The following GSAP variants were observed in gnomAD, a reference collection of about 807,000 sequenced individuals.
GSAP encodes gamma-secretase-activating protein.
In GSAP, 118 loss-of-function variants were observed where a neutral mutation model predicts 131.7. The ratio of observed to expected loss-of-function variants is 0.90; its 90% confidence interval spans 0.77 to 1.04. The LOEUF (loss-of-function observed/expected upper bound fraction) is 1.04. Among genes scored for constraint, GSAP ranks in the 50% least tolerant of loss-of-function variants. GSAP has a pLI of 0.00. For synonymous variants in GSAP, 381 were observed against 363.4 expected (o/e 1.05, Z -0.55); for missense variants, 1,019 against 1,013.2 (o/e 1.01, Z -0.08).
At chr7:77,320,884 A>C in intron 25 of GSAP, 65 bp from the exon 26 acceptor site, 1 of 987,014 alleles carries the variant, frequency 1.0e-6, no homozygotes, top group South Asian at 1.3e-5. Context: ...CATTTGTCCT[A>C]AGCAGTGGCT....
intron 6 of GSAP, 56 bp from the exon 7 acceptor site, chr7:77,382,699 T>C: frequency 2.1e-6 from 2 of 969,434 alleles, no homozygotes; most frequent in Non-Finnish European, 3.3e-6. Context: ...GAACAAGTAT[T>C]TCCAAAGTTG....
chr7:77,394,782 G>A (rs184086343), intron 5 of GSAP, among the ~76,000 whole-genome samples: 8 of 152,266 alleles, frequency 5.3e-5, no homozygotes, highest in Non-Finnish European at 8.8e-5. Context: ...TTATTCTCCT[G>A]GGCATCATGC....
At chr7:77,323,329 T>C (rs1787911318) in intron 24 of GSAP, among the ~76,000 whole-genome samples, 1 of 152,208 alleles carries the variant, frequency 6.6e-6, no homozygotes, top group Non-Finnish European at 1.5e-5. Flanking sequence ...ACAGAAATCA[T>C]CTACATGGAG....
chr7:77,318,189 T>A (rs1787123624), intron 26 of GSAP, among the ~76,000 whole-genome samples: 1 of 152,244 alleles, frequency 6.6e-6, no homozygotes, highest in South Asian at 2.1e-4. Context: ...TATGTGACTT[T>A]AGGCAAATTA....
At chr7:77,379,657 A>G (rs1003692937) in intron 8 of GSAP, among the ~76,000 whole-genome samples, 5 of 151,880 alleles carry the variant, frequency 3.3e-5, no homozygotes, top group Admixed American at 3.3e-4. Context: ...CCTGACCCCA[A>G]CTTGCTGATT....
chr7:77,330,830 C>G, intron 19 of GSAP: 1 of 983,208 alleles, frequency 1.0e-6, no homozygotes, highest in East Asian at 1.1e-4. Context: ...TATTTACTGC[C>G]CAGGACATTT....
At chr7:77,364,829 A>G (rs1795040706) in intron 12 of GSAP, among the ~76,000 whole-genome samples, 1 of 152,242 alleles carries the variant, frequency 6.6e-6, no homozygotes, top group East Asian at 1.9e-4. Flanking sequence ...TTGAAATGGT[A>G]TGTACACAGG....
At chr7:77,330,177 A>T in intron 20 of GSAP, 62 bp downstream of exon 20, 1 of 1,524,522 alleles carries the variant, frequency 6.6e-7, no homozygotes, top group South Asian at 1.3e-5. Context: ...ATTTAAAGGC[A>T]TCACCTGGAT....
Position 77,360,854 on chromosome 7 carries a change from T to C in GSAP, c.997A>G (p.Met333Val), listed in dbSNP as rs1346441582. ...TTSLENVGSH[M>V]TKGITFLNLD... ...TTGAGAAAAGTAATGCCCTTTGTCA[T>C]GTGTGACCCAACATTCTCAAGAGAA... Residue 333 changes from methionine (M) to valine (V), a missense_variant, in exon 14 of 31, where the codon ATG becomes GTG. Physicochemically the swap from Met to Val is conservative, Grantham distance 21. Transcript: ENST00000257626. 5 of 1,601,298 alleles carry C rather than the reference T, an allele frequency of 3.1e-6. No individual in the cohort carries two copies. Among genetic ancestry groups the C allele is most frequent in the East Asian group, 2.2e-5 (1 of 44,848 alleles).
intron 8 of GSAP, 32 bp downstream of exon 8, chr7:77,381,272 AC>A: frequency 2.3e-6 from 3 of 1,321,676 alleles, no homozygotes; most frequent in Non-Finnish European, 3.2e-6. Context: ...GGAAAAAAAA[AC>A]CTATGAAGCG....
In GSAP at chr7:77,321,327, G is replaced by A; in HGVS notation, c.1994+6C>T. On this transcript the variant is annotated splice_donor_region_variant and intron_variant, in intron 25 of 30. Transcript: ENST00000257626. ...ACCATGATAAAAGTGAGAAATACTT[G>A]CGTACAAGTGGAGAACCCAGGAATG... The A allele has an allele frequency of 6.4e-7, 1 of 1,550,604 alleles. No individual in the cohort carries two copies. The highest frequency in any genetic ancestry group is 1.1e-5 in the South Asian group (1 of 89,760).
intron 1 of GSAP, chr7:77,415,606 C>G (rs985428407): frequency 3.9e-5 from 6 of 152,258 alleles, no homozygotes; most frequent in African/African-American, 1.2e-4. Context: ...GCTGGGGGCT[C>G]TCGCCCCGCC....
chr7:77,321,471 T>C (rs1787637191), intron 24 of GSAP, 68 bp from the exon 25 acceptor site: 2 of 965,902 alleles, frequency 2.1e-6, no homozygotes. Context: ...CAGCTAGGCC[T>C]CCACAACTCA....
intron 19 of GSAP, chr7:77,330,868 A>C (rs551965562): frequency 1.7e-4 from 164 of 980,432 alleles, no homozygotes; most frequent in Non-Finnish European, 2.0e-4. Context: ...AAAAAAAGAT[A>C]AAATGAACTA....
intron 25 of GSAP, 94 bp downstream of exon 25, chr7:77,321,239 T>C (rs758346612): frequency 9.0e-6 from 7 of 777,406 alleles, no homozygotes; most frequent in Non-Finnish European, 1.6e-5. Flanking sequence ...TGGTGAGAAC[T>C]GATTTGAACT....
chr7:77,319,151 T>C (rs1787263299), intron 26 of GSAP, among the ~76,000 whole-genome samples: 1 of 152,134 alleles, frequency 6.6e-6, no homozygotes, highest in African/African-American at 2.4e-5. Flanking sequence ...GCAAACCATA[T>C]ATCTAACAAA....
intron 19 of GSAP, among the ~76,000 whole-genome samples, chr7:77,347,280 C>A (rs1378633923): frequency 6.6e-6 from 1 of 152,098 alleles, no homozygotes; most frequent in African/African-American, 2.4e-5. Context: ...CCGTGGGAAC[C>A]CCAACTTAAA....
intron 6 of GSAP, among the ~76,000 whole-genome samples, chr7:77,385,780 C>T (rs536141524): frequency 9.9e-5 from 15 of 152,236 alleles, no homozygotes; most frequent in African/African-American, 3.1e-4. Context: ...GAGAGACAAC[C>T]CTCTCCCCTA....
intron 19 of GSAP, among the ~76,000 whole-genome samples, chr7:77,339,737 A>T (rs187049405): frequency 1.3e-5 from 2 of 151,830 alleles, no homozygotes; most frequent in East Asian, 3.9e-4. Flanking sequence ...ACAGAAAACA[A>T]ACAAGCCAGT....
Sources: allele counts gnomAD v4.1 joint callset (sites outside exome capture counted in the v4.1 genomes callset), GRCh38; gene constraint gnomAD v4.1.1; transcripts MANE v1.5; gene names NCBI Gene and HGNC (gene_info 2026-07-23, HGNC 2026-07-21).